Variants in NYAP2 observed in about 807,000 individuals in gnomAD.
NYAP2 encodes neuronal tyrosine-phosphorylated phosphoinositide-3-kinase adapter 2.
NYAP2 carries 23 observed loss-of-function variants against 50.4 expected under a neutral mutation model. That is an observed-to-expected ratio of 0.46 (90% confidence interval 0.33 to 0.65). The LOEUF (loss-of-function observed/expected upper bound fraction) is 0.65, where lower values mean the gene tolerates loss of function less well. Ranked by LOEUF, NYAP2 falls within the 30% of genes least tolerant of loss-of-function variation. NYAP2 has a pLI of 0.02. For synonymous variants in NYAP2, 394 were observed against 365.2 expected (o/e 1.08, Z -0.90); for missense variants, 885 against 861.0 (o/e 1.03, Z -0.35).
the NYAP2 span, among the ~76,000 whole-genome samples, chr2:225,677,782 TTA>T: frequency 1.3e-5 from 2 of 152,138 alleles, no homozygotes; most frequent in Non-Finnish European, 2.9e-5. Flanking sequence ...TCATCTTAAA[TTA>T]ATTTTTTGAG....
chr2:225,470,825 G>GTGTGTGTA (rs151090508), intron 3 of NYAP2, among the ~76,000 whole-genome samples: 29 of 151,808 alleles, frequency 1.9e-4, no homozygotes, highest in Middle Eastern at 3.5e-3. Context: ...GTGTGTGTGT[G>GTGTGTGTA]TATATATATT....
intron 3 of NYAP2, among the ~76,000 whole-genome samples, chr2:225,503,587 ATC>A (rs1174665932): frequency 6.6e-6 from 1 of 152,162 alleles, no homozygotes; most frequent in Non-Finnish European, 1.5e-5. Context: ...GGTTAAAAAA[ATC>A]TCTCTACTTC....
intron 5 of NYAP2, among the ~76,000 whole-genome samples, chr2:225,616,921 G>C (rs1272488885): frequency 6.6e-6 from 1 of 152,142 alleles, no homozygotes; most frequent in South Asian, 2.1e-4. Flanking sequence ...AATCTGCCTT[G>C]ATCACTTCTC....
At chr2:225,670,639 A>G in the NYAP2 span, among the ~76,000 whole-genome samples, 1 of 150,494 alleles carries the variant, frequency 6.6e-6, no homozygotes, top group Non-Finnish European at 1.5e-5. Flanking sequence ...AAATTCCTAC[A>G]TAGGCTTTCA....
At chr2:225,589,356 AT>A (rs1692448370) in intron 5 of NYAP2, among the ~76,000 whole-genome samples, 1 of 150,112 alleles carries the variant, frequency 6.7e-6, no homozygotes, top group Non-Finnish European at 1.5e-5. Flanking sequence ...GAATCCACAC[AT>A]TTTGTTTGGC....
intron 5 of NYAP2, among the ~76,000 whole-genome samples, chr2:225,609,933 C>G (rs959775822): frequency 1.3e-5 from 2 of 152,128 alleles, no homozygotes; most frequent in African/African-American, 4.8e-5. Flanking sequence ...AATTGGGAAT[C>G]ACACCTCAGC....
intron 3 of NYAP2, among the ~76,000 whole-genome samples, chr2:225,512,895 T>A (rs1436900817): frequency 6.8e-6 from 1 of 146,044 alleles, no homozygotes; most frequent in African/African-American, 2.6e-5. Flanking sequence ...CTTCCTTCCT[T>A]CCTTTCCTTT....
At chr2:225,617,477 A>G (rs1693009100) in intron 5 of NYAP2, among the ~76,000 whole-genome samples, 1 of 152,152 alleles carries the variant, frequency 6.6e-6, no homozygotes, top group African/African-American at 2.4e-5. Flanking sequence ...CACACATACA[A>G]AAGCTTTTTA....
chr2:225,619,330 G>C (rs1693047281), intron 5 of NYAP2, among the ~76,000 whole-genome samples: 1 of 152,212 alleles, frequency 6.6e-6, no homozygotes, highest in East Asian at 1.9e-4. Flanking sequence ...AGTTCAGAGA[G>C]AGAATAGTGC....
Position 225,449,198 on chromosome 2 carries a change from A to G in NYAP2, c.221+40097A>G, listed in dbSNP as rs192220136. Among the ~76,000 whole-genome samples, 5 of 152,336 alleles carry G rather than the reference A, an allele frequency of 3.3e-5. No homozygotes were observed. In the East Asian group the frequency reaches 9.6e-4, roughly 29 times the overall value. On this transcript the variant is annotated intron_variant, in intron 3 of 6. Transcript: ENST00000636099. Reference sequence around the variant, plus strand: ...AAGTTTCAAAGCTTCGCAGCATAATATTAGGTGTTCACTCACTAGGAGTCA... The same window carrying G: ...AAGTTTCAAAGCTTCGCAGCATAATGTTAGGTGTTCACTCACTAGGAGTCA...
chr2:225,596,858 G>A (rs960041281), intron 5 of NYAP2, among the ~76,000 whole-genome samples: 3 of 152,154 alleles, frequency 2.0e-5, no homozygotes, highest in Non-Finnish European at 4.4e-5. Flanking sequence ...TGAATATCAT[G>A]TTGTCGACAG....
chr2:225,589,519 ATAT>A (rs373334645), intron 5 of NYAP2, among the ~76,000 whole-genome samples: 38,696 of 126,464 alleles, frequency 0.31, 6,693 homozygotes, highest in African/African-American at 0.37. Context: ...AAAGTAAAAT[ATAT>A]ATATATATAT....
chr2:225,633,060 A>G (rs1183270150), intron 6 of NYAP2, among the ~76,000 whole-genome samples: 1 of 152,206 alleles, frequency 6.6e-6, no homozygotes, highest in Non-Finnish European at 1.5e-5. Context: ...ATTATTCTAG[A>G]TCTTCTTAAA....
intron 4 of NYAP2, among the ~76,000 whole-genome samples, chr2:225,524,162 A>C (rs767349134): frequency 6.6e-6 from 1 of 152,208 alleles, no homozygotes; most frequent in African/African-American, 2.4e-5. Context: ...CAAGGAAGCT[A>C]GTTTGACTTC....
chr2:225,613,290 A>T lies in NYAP2; in HGVS notation c.1619-13627A>T, dbSNP rs374781080. Among the ~76,000 whole-genome samples the T allele has an allele frequency of 9.9e-5, 15 of 152,264 alleles. No homozygotes were observed. The East Asian group carries it at 1.9e-3, about 20-fold the overall frequency. ...CTGAAGTCTGATATCCAAGGGCAGG[A>T]AGCACCCAGACCAGAGAAAGATGAA... On this transcript the variant is annotated intron_variant, in intron 5 of 6. Coordinates refer to ENST00000636099, the Ensembl canonical transcript of NYAP2.
intron 5 of NYAP2, among the ~76,000 whole-genome samples, chr2:225,591,245 T>C (rs1692496807): frequency 6.6e-6 from 1 of 152,116 alleles, no homozygotes; most frequent in Non-Finnish European, 1.5e-5. Flanking sequence ...GAAGTCTTTC[T>C]TATGGGGCAC....
At chr2:225,605,706 T>C (rs1369868997) in intron 5 of NYAP2, among the ~76,000 whole-genome samples, 2 of 152,092 alleles carry the variant, frequency 1.3e-5, no homozygotes, top group African/African-American at 4.8e-5. Context: ...TCTTCAAACT[T>C]GGAGTAGTGA....
intron 4 of NYAP2, among the ~76,000 whole-genome samples, chr2:225,568,419 T>A (rs1692000829): frequency 6.6e-6 from 1 of 152,174 alleles, no homozygotes; most frequent in African/African-American, 2.4e-5. Context: ...TTACCACTCT[T>A]TATTAGTCTC....
chr2:225,624,178 C>G (rs1449651421), intron 5 of NYAP2, among the ~76,000 whole-genome samples: 2 of 152,260 alleles, frequency 1.3e-5, no homozygotes, highest in South Asian at 4.1e-4. Context: ...GATCTCTGAG[C>G]CTTTACTTGT....
Sources: allele counts gnomAD v4.1 joint callset (sites outside exome capture counted in the v4.1 genomes callset), GRCh38; gene constraint gnomAD v4.1.1; transcripts MANE v1.5; gene names NCBI Gene and HGNC (gene_info 2026-07-23, HGNC 2026-07-21).